Variants in PPP1R1C observed in about 807,000 individuals in gnomAD.
The protein encoded by PPP1R1C is protein phosphatase 1 regulatory subunit 1C.
A neutral mutation model predicts 17.4 loss-of-function variants in PPP1R1C; 15 were observed. The observed-to-expected ratio is 0.86, with a 90% CI of 0.58 to 1.33. The LOEUF is 1.33. PPP1R1C is among the 40% of genes most tolerant of loss of function. PPP1R1C has a pLI of 0.00. For missense variants in PPP1R1C, 143 were observed against 130.0 expected (o/e 1.10, Z -0.48); for synonymous variants, 35 against 43.1 (o/e 0.81, Z 0.73).
At chr2:182,088,049 A>C (rs1355586255) in intron 4 of PPP1R1C, among the ~76,000 whole-genome samples, 2 of 152,204 alleles carry the variant, frequency 1.3e-5, no homozygotes, top group Non-Finnish European at 2.9e-5. Flanking sequence ...TTAAGTAATA[A>C]GATTATTTTT....
chr2:182,036,889 G>C (rs1319385775), intron 2 of PPP1R1C, among the ~76,000 whole-genome samples: 1 of 152,082 alleles, frequency 6.6e-6, no homozygotes, highest in African/African-American at 2.4e-5. Flanking sequence ...CTACCCTTCT[G>C]TTATATTAGC....
chr2:181,994,670 T>C (rs750341331), intron 2 of PPP1R1C, among the ~76,000 whole-genome samples: 1 of 152,186 alleles, frequency 6.6e-6, no homozygotes, highest in African/African-American at 2.4e-5. Context: ...TGTTTATTGG[T>C]TTATACATTC....
intron 1 of PPP1R1C, among the ~76,000 whole-genome samples, chr2:181,986,784 G>A (rs1249642651): frequency 1.3e-5 from 2 of 152,072 alleles, no homozygotes; most frequent in Non-Finnish European, 2.9e-5. Flanking sequence ...CTTTGTCCAT[G>A]TCTAATATTG....
chr2:182,050,421 T>A (rs1248890760), intron 2 of PPP1R1C, among the ~76,000 whole-genome samples: 2 of 152,194 alleles, frequency 1.3e-5, no homozygotes, highest in African/African-American at 4.8e-5. Flanking sequence ...CTCTCAGAAC[T>A]CCACTCCATC....
intron 2 of PPP1R1C, among the ~76,000 whole-genome samples, chr2:182,026,869 A>T (rs1471774950): frequency 1.5e-4 from 23 of 148,404 alleles, no homozygotes; most frequent in Admixed American, 2.7e-4. Flanking sequence ...ATTTGTTTGT[A>T]TCCTCTTTTA....
chr2:182,050,790 A>G (rs1333292876), intron 2 of PPP1R1C, among the ~76,000 whole-genome samples: 1 of 152,218 alleles, frequency 6.6e-6, no homozygotes, highest in African/African-American at 2.4e-5. Context: ...AGGAAATTTC[A>G]AGAGAAAAAC....
rs1684813904 is a variant in PPP1R1C, at chr2:181,962,303, C to T, written n.111+7669C>T. On this transcript the variant is annotated intron_variant and non_coding_transcript_variant, in intron 1 of 5. Transcript: ENST00000464264. This position sits in a 1 kb window ranked among gnomAD's most constrained non-coding sequence, Gnocchi z 6.0. ...CATCCCCGCGGCCAGGTCCCCGGAC[C>T]CCATGCCACCCCGGAAGCTGGTGGA... is the stretch of plus-strand genomic sequence containing the variant. The T allele has an allele frequency of 8.8e-6, 7 of 798,274 alleles. No individual in the cohort carries two copies. The South Asian group carries it at 9.0e-5, about 10-fold the overall frequency. 49.4% of individuals were successfully genotyped at this position (798,274 alleles called of 1,614,324 possible).
chr2:182,072,081 G>A (rs1285620311), intron 4 of PPP1R1C, among the ~76,000 whole-genome samples: 1 of 152,176 alleles, frequency 6.6e-6, no homozygotes, highest in African/African-American at 2.4e-5. Context: ...CTATCTCCTT[G>A]CAAAAATGTG....
intron 2 of PPP1R1C, among the ~76,000 whole-genome samples, chr2:182,029,341 C>T (rs1180385473): frequency 1.2e-4 from 18 of 152,026 alleles, no homozygotes; most frequent in Admixed American, 9.8e-4. Context: ...GATTTTGTAG[C>T]GGCTGGTACC....
intron 1 of PPP1R1C, among the ~76,000 whole-genome samples, chr2:181,968,922 A>G (rs1479113268): frequency 1.3e-5 from 2 of 152,102 alleles, no homozygotes; most frequent in African/African-American, 4.8e-5. Flanking sequence ...ACAACACATT[A>G]TTTTAAAATG....
intron 2 of PPP1R1C, among the ~76,000 whole-genome samples, chr2:181,979,654 T>C (rs1465745881): frequency 1.3e-5 from 2 of 152,168 alleles, no homozygotes; most frequent in East Asian, 1.9e-4. Context: ...CAAAGAAATG[T>C]GCATGGCATG....
At chr2:182,094,586 C>T (rs1479861967) in intron 4 of PPP1R1C, among the ~76,000 whole-genome samples, 1 of 152,166 alleles carries the variant, frequency 6.6e-6, no homozygotes, top group Non-Finnish European at 1.5e-5. Flanking sequence ...CAGTGAGCTA[C>T]AGCTCTGGGT....
At chr2:182,042,905 T>A (rs1687227669) in intron 2 of PPP1R1C, among the ~76,000 whole-genome samples, 1 of 152,214 alleles carries the variant, frequency 6.6e-6, no homozygotes, top group Non-Finnish European at 1.5e-5. Context: ...TAGAGATGAT[T>A]GTGAGCCTTT....
chr2:182,124,314 GTTTTTTTTTTTTGT>G (rs1159797258), intron 5 of PPP1R1C, among the ~76,000 whole-genome samples: 10 of 42,078 alleles, frequency 2.4e-4, no homozygotes, highest in East Asian at 7.1e-4. Flanking sequence ...GTTTTTTTTT[GTTTTTTTTTTTTGT>G]TTTTTTTTTT....
chr2:182,126,577 A>T (rs1689880447), intron 5 of PPP1R1C, among the ~76,000 whole-genome samples: 2 of 152,176 alleles, frequency 1.3e-5, no homozygotes, highest in Non-Finnish European at 2.9e-5. Flanking sequence ...CTCACGTAAT[A>T]TGTGAGATGC....
rs145063866 is a variant in PPP1R1C, at chr2:181,964,191, C to CA, written n.111+9563dup. The stretch of plus-strand genomic sequence containing the variant: ...CAATTGTTTTAATTTTTAGCTCCCA[C>CA]AAAAAATGGAGAACATACAAAGTTT... On this transcript the variant is annotated intron_variant and non_coding_transcript_variant, in intron 1 of 5. Transcript: ENST00000464264. 8.5e-3 allele frequency among the ~76,000 whole-genome samples: 1,296 copies of CA among 152,202 alleles called. 20 individuals carry two copies. Among genetic ancestry groups the CA allele is most frequent in the African/African-American group, 0.03 (1,248 of 41,540 alleles).
intron 4 of PPP1R1C, among the ~76,000 whole-genome samples, chr2:182,102,584 T>C (rs1047792737): frequency 3.7e-4 from 57 of 152,214 alleles, no homozygotes; most frequent in African/African-American, 9.6e-4. Context: ...ATAAATCATA[T>C]GCAGTGTGAT....
intron 2 of PPP1R1C, among the ~76,000 whole-genome samples, chr2:182,033,236 A>G (rs1001433998): frequency 6.6e-6 from 1 of 152,166 alleles, no homozygotes; most frequent in Non-Finnish European, 1.5e-5. Flanking sequence ...ACAAACAATG[A>G]TCTTTCTAGA....
intron 4 of PPP1R1C, 164 bp downstream of exon 4, chr2:182,063,955 T>C (rs965908241): frequency 1.2e-5 from 6 of 511,288 alleles, no homozygotes; most frequent in Admixed American, 1.0e-4. Flanking sequence ...TAAAACTTAG[T>C]TTCATCAAGA....
Sources: allele counts gnomAD v4.1 joint callset (sites outside exome capture counted in the v4.1 genomes callset), GRCh38; gene constraint gnomAD v4.1.1; non-coding constraint Gnocchi (gnomAD v3.1); transcripts MANE v1.5; gene names NCBI Gene and HGNC (gene_info 2026-07-23, HGNC 2026-07-21).